Variants in ZFYVE9 observed in about 807,000 individuals in gnomAD.
ZFYVE9 encodes zinc finger FYVE-type containing 9, also known as zinc finger FYVE domain-containing protein 9.
Under a neutral mutation model 126.7 loss-of-function variants are expected in ZFYVE9, and 43 were observed. The ratio of observed to expected loss-of-function variants is 0.34; its 90% confidence interval spans 0.27 to 0.44. The LOEUF is 0.44. Among genes scored for constraint, ZFYVE9 ranks in the 20% least tolerant of loss-of-function variants. The pLI, the probability that ZFYVE9 is intolerant of heterozygous loss-of-function variation, is 1.00. For missense variants in ZFYVE9, 1,476 were observed against 1,697.0 expected, an observed-to-expected ratio of 0.87 and a Z score of 2.29; for synonymous variants, 521 against 597.4, an observed-to-expected ratio of 0.87 and a Z score of 1.87.
At chr1:52,213,756 A>G (rs1557460760) in intron 1 of ZFYVE9, among the ~76,000 whole-genome samples, 1 of 152,190 alleles carries the variant, frequency 6.6e-6, no homozygotes, top group Non-Finnish European at 1.5e-5. Context: ...AAGAGGAGAT[A>G]ACAGTGGATG....
At chr1:52,339,250 A>G (rs1646414250) in intron 16 of ZFYVE9, among the ~76,000 whole-genome samples, 1 of 152,098 alleles carries the variant, frequency 6.6e-6, no homozygotes, top group African/African-American at 2.4e-5. Flanking sequence ...ATACTTGTTT[A>G]CACTAGCACT....
chr1:52,246,237 C>T (rs926049471), intron 4 of ZFYVE9, among the ~76,000 whole-genome samples: 6 of 151,766 alleles, frequency 4.0e-5, no homozygotes, highest in Non-Finnish European at 5.9e-5. Flanking sequence ...GCCTTTATGC[C>T]GTAATTTTTA....
chr1:52,218,462 C>T (rs1645092990), intron 2 of ZFYVE9, among the ~76,000 whole-genome samples: 1 of 152,202 alleles, frequency 6.6e-6, no homozygotes, highest in Non-Finnish European at 1.5e-5. Context: ...CATAGGGGTC[C>T]TGACCTTTGG....
chr1:52,166,199 A>C (rs1644512324), intron 1 of ZFYVE9, among the ~76,000 whole-genome samples: 1 of 152,252 alleles, frequency 6.6e-6, no homozygotes. Context: ...AGTGAAGAAT[A>C]AGACTACCAG....
At chr1:52,176,115 A>T (rs906987941) in intron 1 of ZFYVE9, among the ~76,000 whole-genome samples, 1 of 151,902 alleles carries the variant, frequency 6.6e-6, no homozygotes, top group Admixed American at 6.6e-5. Context: ...TTTTTTCCTC[A>T]TCTTTGTAGT....
chr1:52,308,076 AT>A (rs1246541064), intron 13 of ZFYVE9, among the ~76,000 whole-genome samples: 14 of 152,168 alleles, frequency 9.2e-5, no homozygotes, highest in Non-Finnish European at 2.1e-4. Flanking sequence ...TTCTGATTTA[AT>A]TTTTATTTTA....
chr1:52,243,528 G>A (rs1035515772), intron 4 of ZFYVE9, among the ~76,000 whole-genome samples: 1 of 151,840 alleles, frequency 6.6e-6, no homozygotes, highest in Admixed American at 6.6e-5. Flanking sequence ...AACTCCTGCA[G>A]GAAGTAGAAC....
At chr1:52,260,360 A>G (rs1486680603) in intron 4 of ZFYVE9, among the ~76,000 whole-genome samples, 1 of 151,868 alleles carries the variant, frequency 6.6e-6, no homozygotes, top group Non-Finnish European at 1.5e-5. Flanking sequence ...CCTTGGAGGT[A>G]TTTGTTGGTT....
intron 1 of ZFYVE9, among the ~76,000 whole-genome samples, chr1:52,198,850 A>G (rs1302046251): frequency 6.6e-6 from 1 of 152,084 alleles, no homozygotes; most frequent in Non-Finnish European, 1.5e-5. Flanking sequence ...TATCCTCCAC[A>G]ATTGTTTCAG....
intron 1 of ZFYVE9, among the ~76,000 whole-genome samples, chr1:52,212,256 T>C (rs1457114911): frequency 6.6e-6 from 1 of 152,240 alleles, no homozygotes; most frequent in Non-Finnish European, 1.5e-5. Context: ...GTTGTCCTCC[T>C]GCCTCAGTCT....
intron 13 of ZFYVE9, among the ~76,000 whole-genome samples, chr1:52,321,440 A>G (rs1368936963): frequency 6.6e-6 from 1 of 152,184 alleles, no homozygotes; most frequent in Non-Finnish European, 1.5e-5. Flanking sequence ...TGTTCCATTG[A>G]TTATTGGTAT....
Sources: allele counts gnomAD v4.1 joint callset (sites outside exome capture counted in the v4.1 genomes callset), GRCh38; gene constraint gnomAD v4.1.1; transcripts MANE v1.5; gene names NCBI Gene and HGNC (gene_info 2026-07-23, HGNC 2026-07-21).